Variants in PLXDC2 observed in about 807,000 individuals in gnomAD.
PLXDC2 encodes the protein plexin domain-containing protein 2.
In PLXDC2, 40 loss-of-function variants were observed where a neutral mutation model predicts 68.9. The observed-to-expected ratio is 0.58, with a 90% CI of 0.45 to 0.76. The LOEUF (loss-of-function observed/expected upper bound fraction) is 0.76. Ranked by LOEUF, PLXDC2 falls within the 30% of genes least tolerant of loss-of-function variation. The pLI is 0.00. For synonymous variants in PLXDC2, 243 were observed against 234.2 expected (o/e 1.04, Z -0.34); for missense variants, 644 against 661.9 (o/e 0.97, Z 0.30).
chr10:19,840,303 T>C (rs1007873245), intron 1 of PLXDC2, among the ~76,000 whole-genome samples: 1 of 152,188 alleles, frequency 6.6e-6, no homozygotes, highest in African/African-American at 2.4e-5. Context: ...AACTCAAGTG[T>C]TTAAGCTTTA....
chr10:20,188,183 A>G (rs990311101), intron 9 of PLXDC2, among the ~76,000 whole-genome samples: 3 of 151,682 alleles, frequency 2.0e-5, no homozygotes, highest in East Asian at 1.9e-4. Flanking sequence ...TAATTGCCCA[A>G]AAATAGAACA....
Position 20,047,144 on chromosome 10 carries a change from T to C in PLXDC2, c.471+129T>C, listed in dbSNP as rs958871661. 11 of 882,462 alleles carry C rather than the reference T, an allele frequency of 1.2e-5. No individual in the cohort carries two copies. The Admixed American group carries it at 3.9e-4, about 31-fold the overall frequency. The allele number at this position is 882,462 out of a possible 1,614,324, so 54.7% of individuals were successfully genotyped here. A position where few individuals can be genotyped will look rare whatever the true frequency, so the allele number is the denominator to read the frequency against. On this transcript the variant is annotated intron_variant, in intron 3 of 13. Transcript: ENST00000377252. ...GAATGGCCTTATCTGTGGTAATCGC[T>C]TTTCAAGTGTATTCAGTTCTGTAAT... is the stretch of plus-strand genomic sequence containing the variant.
At chr10:20,162,057 AGAGAGAGAGAGAGAGAAG>A (rs1371925422) in intron 6 of PLXDC2, among the ~76,000 whole-genome samples, 87 of 120,668 alleles carry the variant, frequency 7.2e-4, no homozygotes, top group African/African-American at 1.8e-3. Flanking sequence ...AGAGAGAGAG[AGAGAGAGAGAGAGAGAAG>A]GAAGGAAGGA....
chr10:20,001,997 A>T lies in PLXDC2; in HGVS notation c.324+11A>T, dbSNP rs754557739. 1.2e-6 allele frequency: 2 copies of T among 1,607,978 alleles called. No individual in the cohort carries two copies. On this transcript the variant is annotated intron_variant, in intron 2 of 13. Transcript: ENST00000377252. The stretch of plus-strand genomic sequence containing the variant: ...AACACTCAGATCGAGGTAGATAAAT[A>T]GTCTGGGTAATTGAAATGGATTAAT...
chr10:20,162,617 T>G (rs1407164812), intron 6 of PLXDC2, among the ~76,000 whole-genome samples: 1 of 152,160 alleles, frequency 6.6e-6, no homozygotes, highest in Non-Finnish European at 1.5e-5. Context: ...TTTTCCATCT[T>G]CTTGTATGTT....
chr10:20,071,528 C>T (rs1836315417), intron 4 of PLXDC2, among the ~76,000 whole-genome samples: 1 of 152,094 alleles, frequency 6.6e-6, no homozygotes, highest in Non-Finnish European at 1.5e-5. Context: ...GGGGAGTTCC[C>T]CTGCACACAC....
At chr10:19,893,886 C>CT (rs1231085558) in intron 1 of PLXDC2, among the ~76,000 whole-genome samples, 1 of 152,180 alleles carries the variant, frequency 6.6e-6, no homozygotes, top group Non-Finnish European at 1.5e-5. Flanking sequence ...AAGAAGGAAT[C>CT]TGTATATTCA....
Position 20,136,321 on chromosome 10 carries a change from G to A in PLXDC2, c.542-6974G>A, listed in dbSNP as rs534595658. 8.5e-5 allele frequency among the ~76,000 whole-genome samples: 13 copies of A among 152,258 alleles called. No homozygotes were observed. In the East Asian group the frequency reaches 1.4e-3, roughly 16 times the overall value. On this transcript the variant is annotated intron_variant, in intron 4 of 13. Transcript: ENST00000377252. Reference sequence around the variant, plus strand: ...ACTTTTAATTTTCAGATTATCAATTGCTGCCACACATGGTTTTGTTAAAAA... The same window carrying A: ...ACTTTTAATTTTCAGATTATCAATTACTGCCACACATGGTTTTGTTAAAAA...
intron 4 of PLXDC2, among the ~76,000 whole-genome samples, chr10:20,083,476 CAAAA>C (rs376829237): frequency 8.2e-6 from 1 of 121,408 alleles, no homozygotes; most frequent in Non-Finnish European, 1.8e-5. Flanking sequence ...GACTCCGTCT[CAAAA>C]AAAAAAAAAA....
chr10:20,207,640 T>G (rs1185829174), intron 9 of PLXDC2, among the ~76,000 whole-genome samples: 1 of 152,122 alleles, frequency 6.6e-6, no homozygotes, highest in South Asian at 2.1e-4. Context: ...TTAAACAAAC[T>G]CAAAAGGAAA....
rs1056955238 is a variant in PLXDC2 at position 20,289,849 on chromosome 10, A to G, written c.*10030A>G. On this transcript the variant is annotated 3_prime_UTR_variant, in exon 14 of 14. Coordinates refer to ENST00000377252, the MANE Select transcript of PLXDC2 (RefSeq NM_032812.9). ...ATTGTGGAGTAAATTCAGAAGTGCA[A>G]TTTTAAATGGTGTGAATTGTCTTTA... The G allele has an allele frequency of 6.6e-6, 1 of 152,216 alleles. No homozygotes were observed. Among genetic ancestry groups the G allele is most frequent in the African/African-American group, 2.4e-5 (1 of 41,444 alleles). 9.4% of individuals were successfully genotyped at this position (152,216 alleles called of 1,614,324 possible).
chr10:19,862,673 C>T (rs1365267229), intron 1 of PLXDC2, among the ~76,000 whole-genome samples: 1 of 152,178 alleles, frequency 6.6e-6, no homozygotes, highest in Non-Finnish European at 1.5e-5. Context: ...AACAAGTATG[C>T]AACAGCTACT....
At chr10:20,046,161 A>G (rs766431352) in intron 2 of PLXDC2, among the ~76,000 whole-genome samples, 1 of 152,170 alleles carries the variant, frequency 6.6e-6, no homozygotes, top group Non-Finnish European at 1.5e-5. Flanking sequence ...AATTGTAATT[A>G]TACTTTAGGT....
intron 1 of PLXDC2, among the ~76,000 whole-genome samples, chr10:19,977,163 G>A (rs1834470996): frequency 6.6e-6 from 1 of 152,144 alleles, no homozygotes; most frequent in South Asian, 2.1e-4. Flanking sequence ...TGTGAAATGG[G>A]ATGCTAGAAA....
At chr10:19,832,139 C>A (rs1411793006) in intron 1 of PLXDC2, among the ~76,000 whole-genome samples, 2 of 152,146 alleles carry the variant, frequency 1.3e-5, no homozygotes, top group South Asian at 2.1e-4. Context: ...TTATTTAATA[C>A]TTTTGTTTAT....
At chr10:20,119,690 G>T (rs564584331) in intron 4 of PLXDC2, among the ~76,000 whole-genome samples, 62 of 152,158 alleles carry the variant, frequency 4.1e-4, no homozygotes, top group African/African-American at 1.4e-3. Flanking sequence ...ATGGTATGGA[G>T]AGATAATGGG....
At chr10:19,866,965 T>C (rs961769712) in intron 1 of PLXDC2, among the ~76,000 whole-genome samples, 42 of 152,034 alleles carry the variant, frequency 2.8e-4, no homozygotes, top group African/African-American at 9.6e-4. Context: ...GAAAAGAATA[T>C]GATAGTTTGG....
At chr10:19,883,163 T>C (rs993632525) in intron 1 of PLXDC2, among the ~76,000 whole-genome samples, 3 of 151,924 alleles carry the variant, frequency 2.0e-5, no homozygotes, top group Non-Finnish European at 4.4e-5. Context: ...GGGGTTTCAC[T>C]GTGTTAGCCA....
intron 1 of PLXDC2, among the ~76,000 whole-genome samples, chr10:19,838,660 C>T (rs1836846402): frequency 6.6e-6 from 1 of 152,174 alleles, no homozygotes; most frequent in African/African-American, 2.4e-5. Flanking sequence ...ACAACCGCAG[C>T]CTGTTCAAAC....
Sources: allele counts gnomAD v4.1 joint callset (sites outside exome capture counted in the v4.1 genomes callset), GRCh38; gene constraint gnomAD v4.1.1; transcripts MANE v1.5; gene names NCBI Gene and HGNC (gene_info 2026-07-23, HGNC 2026-07-21).